The following WWOX variants were observed in gnomAD, a reference collection of about 807,000 sequenced individuals.
WWOX encodes the protein WW domain-containing oxidoreductase.
WWOX carries 69 observed loss-of-function variants against 46.2 expected under a neutral mutation model. The observed-to-expected ratio is 1.49, with a 90% CI of 1.23 to 1.82. The LOEUF is 1.82. Among genes scored for constraint, WWOX ranks in the 40% most tolerant of loss-of-function variants. WWOX has a pLI of 0.00. For synonymous variants in WWOX, 359 were observed against 202.6 expected, an observed-to-expected ratio of 1.77 and a Z score of -6.56; for missense variants, 919 against 542.6, an observed-to-expected ratio of 1.69 and a Z score of -6.89.
intron 8 of WWOX, among the ~76,000 whole-genome samples, chr16:78,745,169 T>C (rs568517719): frequency 6.6e-6 from 1 of 152,318 alleles, no homozygotes; most frequent in East Asian, 1.9e-4. Context: ...TGAAAGCCAG[T>C]GTCCCTTCAG....
intron 8 of WWOX, among the ~76,000 whole-genome samples, chr16:78,564,286 A>G (rs1211912282): frequency 6.6e-6 from 1 of 152,258 alleles, no homozygotes; most frequent in Non-Finnish European, 1.5e-5. Flanking sequence ...GAGCTGTTGT[A>G]AAGAAGTAAA....
At chr16:78,812,696 A>G (rs974759335) in intron 8 of WWOX, among the ~76,000 whole-genome samples, 2 of 152,090 alleles carry the variant, frequency 1.3e-5, no homozygotes, top group African/African-American at 4.8e-5. Flanking sequence ...ACTGCACTGC[A>G]GCCTGGGTGA....
intron 8 of WWOX, among the ~76,000 whole-genome samples, chr16:78,613,623 C>T (rs923279522): frequency 1.3e-5 from 2 of 152,268 alleles, no homozygotes; most frequent in East Asian, 1.9e-4. Flanking sequence ...ATGCAATCAC[C>T]ACTACTGTTG....
At chr16:78,659,935 T>C (rs181608609) in intron 8 of WWOX, among the ~76,000 whole-genome samples, 1 of 152,318 alleles carries the variant, frequency 6.6e-6, no homozygotes, top group East Asian at 1.9e-4. Flanking sequence ...CCACCAGAAA[T>C]TTAACATGCT....
intron 8 of WWOX, among the ~76,000 whole-genome samples, chr16:78,940,796 C>G (rs974280737): frequency 6.6e-6 from 1 of 150,870 alleles, no homozygotes; most frequent in Non-Finnish European, 1.5e-5. Flanking sequence ...GTCCTCTTAT[C>G]CTGGTCCTTA....
intron 8 of WWOX, among the ~76,000 whole-genome samples, chr16:78,728,177 G>C (rs527670040): frequency 6.9e-6 from 1 of 145,936 alleles, no homozygotes; most frequent in Non-Finnish European, 1.5e-5. Flanking sequence ...TGATTCTCCT[G>C]CCTCAGCCTC....
chr16:78,535,671 G>A (rs963541679), intron 8 of WWOX: 5 of 152,196 alleles, frequency 3.3e-5, no homozygotes, highest in Admixed American at 6.5e-5. Context: ...TCTCTTCCCT[G>A]TAATCATTAA....
chr16:78,863,709 C>G (rs148587032), intron 8 of WWOX, among the ~76,000 whole-genome samples: 1 of 152,168 alleles, frequency 6.6e-6, no homozygotes, highest in African/African-American at 2.4e-5. Flanking sequence ...TCTGTTGAAC[C>G]GGCAAAACAA....
At chr16:78,871,731 C>A (rs1312520178) in intron 8 of WWOX, among the ~76,000 whole-genome samples, 1 of 152,192 alleles carries the variant, frequency 6.6e-6, no homozygotes, top group Non-Finnish European at 1.5e-5. Flanking sequence ...TTCCAAGCAG[C>A]TGGGACTACA....
chr16:78,982,296 G>A (rs772489328), intron 8 of WWOX, among the ~76,000 whole-genome samples: 6 of 152,148 alleles, frequency 3.9e-5, no homozygotes, highest in African/African-American at 7.2e-5. Flanking sequence ...CTTTGAAAGC[G>A]TGATTTTGAG....
chr16:79,106,900 C>T (rs1981875), intron 8 of WWOX: 52,790 of 149,690 alleles, frequency 0.35, 10,359 homozygotes, highest in East Asian at 0.55. Context: ...ATCTGCCCCC[C>T]GGGTTCAAGC....
At chr16:78,766,336 T>G (rs983234295) in intron 8 of WWOX, among the ~76,000 whole-genome samples, 1 of 152,180 alleles carries the variant, frequency 6.6e-6, no homozygotes, top group Admixed American at 6.5e-5. Context: ...GTAGCACACT[T>G]GTAATCTCAG....
intron 8 of WWOX, among the ~76,000 whole-genome samples, chr16:79,094,906 G>A (rs143858305): frequency 7.9e-4 from 120 of 152,212 alleles, no homozygotes; most frequent in African/African-American, 2.8e-3. Flanking sequence ...GATCAGCGTC[G>A]TGGGCGATTT....
intron 8 of WWOX, chr16:78,897,162 A>G (rs2044719962): frequency 7.2e-6 from 1 of 139,840 alleles, no homozygotes; most frequent in Admixed American, 7.5e-5. Context: ...AGGCTTGAGT[A>G]TCGCCTGGGA....
In WWOX at chr16:78,767,470, GTGTGTGTGTGTC is replaced by G. The variant is rs1362129695; in HGVS notation, c.1056+334730_1056+334741del. Among the ~76,000 whole-genome samples the G allele has an allele frequency of 1.7e-3, 191 of 109,530 alleles. 2 individuals are homozygous for G. Among genetic ancestry groups the G allele is most frequent in the African/African-American group, 6.6e-3 (183 of 27,762 alleles). 71.9% of individuals were successfully genotyped at this position (109,530 alleles called of 152,430 possible). A position where few individuals can be genotyped will look rare whatever the true frequency, so the allele number is the denominator to read the frequency against. The stretch of plus-strand genomic sequence containing the variant: ...ATGGCTGAATAATGTTTCTGTGTGA[GTGTGTGTGTGTC>G]TGTGTGTGTGTGTGTGTGTGTGTGT... On this transcript the variant is annotated intron_variant, in intron 8 of 8. Transcript: ENST00000566780.
intron 8 of WWOX, among the ~76,000 whole-genome samples, chr16:78,437,296 C>G (rs374923995): frequency 6.6e-6 from 1 of 152,138 alleles, no homozygotes; most frequent in Non-Finnish European, 1.5e-5. Context: ...TTCATGGAGT[C>G]GGGCTATTTT....
In WWOX at chr16:79,018,941, AGGAGTTG is replaced by A. The variant is rs1891061103; in HGVS notation, c.1057-192665_1057-192659del. On this transcript the variant is annotated intron_variant, in intron 8 of 8. Transcript: ENST00000566780. ...TAAGGTGGGCGGATCGCTTGAGCTC[AGGAGTTG>A]GAGACAAGCCTGGGCAACATGGCAA... 5.3e-5 allele frequency among the ~76,000 whole-genome samples: 8 copies of A among 152,146 alleles called. No individual in the cohort carries two copies. The South Asian group carries it at 1.7e-3, about 32-fold the overall frequency.
chr16:78,459,639 A>G (rs1377056693), intron 8 of WWOX, among the ~76,000 whole-genome samples: 5 of 152,212 alleles, frequency 3.3e-5, no homozygotes, highest in Non-Finnish European at 7.3e-5. Context: ...GTGTGCCATT[A>G]TTATAGATTG....
chr16:78,581,601 G>T (rs76064521), intron 8 of WWOX, among the ~76,000 whole-genome samples: 250 of 152,170 alleles, frequency 1.6e-3, no homozygotes, highest in Non-Finnish European at 3.2e-3. Context: ...ACCAGTAAAT[G>T]CACTGAAACA....
Sources: gnomAD v4.1 joint callset for allele counts (sites outside exome capture counted in the v4.1 genomes callset) on GRCh38, gnomAD v4.1.1 for gene constraint, MANE v1.5 for transcripts, NCBI Gene and HGNC (gene_info 2026-07-23, HGNC 2026-07-21) for gene names.